TOP3B: variants seen among roughly 807,000 people sequenced by gnomAD.
TOP3B encodes DNA topoisomerase III beta.
TOP3B carries 45 observed loss-of-function variants against 93.9 expected under a neutral mutation model. The observed-to-expected ratio is 0.48, with a 90% confidence interval of 0.38 to 0.61. TOP3B has a LOEUF of 0.61. Among genes scored for constraint, TOP3B ranks in the 20% least tolerant of loss-of-function variants. The probability of loss-of-function intolerance (pLI) is 0.00; values close to 1 mark genes in which losing one functional copy is unlikely to be tolerated. For missense variants in TOP3B, 750 were observed against 1,156.1 expected, an observed-to-expected ratio of 0.65 and a Z score of 5.09; for synonymous variants, 357 against 472.6, an observed-to-expected ratio of 0.76 and a Z score of 3.17.
At chr22:21,967,213 C>G (rs2071447734) in intron 8 of TOP3B, 1 of 182,428 alleles carries the variant, frequency 5.5e-6, no homozygotes, top group South Asian at 1.4e-4. Flanking sequence ...CCCCTGCTAG[C>G]TGTGACCTTG....
chr22:21,969,388 G>A (rs747837918), intron 6 of TOP3B: 3 of 152,034 alleles, frequency 2.0e-5, no homozygotes, highest in Non-Finnish European at 4.4e-5. Flanking sequence ...ATCACCTGAG[G>A]TCAGGAGTTC....
In TOP3B at chr22:21,970,250, G is replaced by GA; in HGVS notation, c.540dup (p.Arg181SerfsTer18). The GA allele has an allele frequency of 6.2e-7, 1 of 1,613,580 alleles. No homozygotes were observed. Among genetic ancestry groups the GA allele is most frequent in the Non-Finnish European group, 8.5e-7 (1 of 1,180,020 alleles). On this transcript the variant is annotated frameshift_variant, in exon 6 of 18. Transcript: ENST00000357179. LOFTEE classifies it high-confidence loss of function. The surrounding 1 kb of genome is among the most constrained non-coding windows in gnomAD (Gnocchi z 4.4). ...CCGATTCGCAGGTCCAGCTCCTGGCGAGCATCCACTGAGAGCGCCTCGTTG... is the reference window on the plus strand; with the variant it reads ...CCGATTCGCAGGTCCAGCTCCTGGCGAAGCATCCACTGAGAGCGCCTCGTTG...
chr22:21,979,669 C>T lies in TOP3B; in HGVS notation c.-99+3061G>A, dbSNP rs533762456. 5.0e-4 allele frequency among the ~76,000 whole-genome samples: 76 copies of T among 152,168 alleles called. 1 individual carries two copies. The highest frequency in any genetic ancestry group is 1.0e-3 in the South Asian group (5 of 4,814). ...AAGCATGGCATTCTCTGGCCGGGCG[C>T]GGTGGCTCACGCCTGTAATCCCAGC... On this transcript the variant is annotated intron_variant, in intron 1 of 17. Transcript: ENST00000357179.
chr22:21,958,842 G>A (rs2071042122), intron 16 of TOP3B, 149 bp from the exon 17 acceptor site: 1 of 1,318,398 alleles, frequency 7.6e-7, no homozygotes, highest in African/African-American at 1.5e-5. Context: ...TCTGGCTCTT[G>A]CTCCACGCGT....
intron 13 of TOP3B, 198 bp from the exon 14 acceptor site, chr22:21,960,647 A>C (rs915877689): frequency 2.8e-6 from 2 of 703,448 alleles, no homozygotes; most frequent in Admixed American, 5.6e-5. Context: ...CTGCCTTGAG[A>C]ACACAAGGGC....
Position 21,958,575 on chromosome 22 carries a change from A to C in TOP3B, c.2024T>G (p.Leu675Arg), listed in dbSNP as rs2071028110. The change falls in exon 17 of 18, where the codon CTG becomes CGG. Residue 675 changes from leucine (L) to arginine (R), a missense_variant. Physicochemically the swap from Leu to Arg is moderately radical, Grantham distance 102 (BLOSUM62 -2). Transcript: ENST00000357179. Reference sequence around the variant, plus strand: ...CTTGCCCCGAGAGCCTGATGACCACAGGACCAGCTCGAAGTCATCCAGAGG... The same window carrying C: ...CTTGCCCCGAGAGCCTGATGACCACCGGACCAGCTCGAAGTCATCCAGAGG... The part of the protein sequence containing the change: ...RCPLDDFELV[L>R]WSSGSRGKSY... 1 of 1,614,134 alleles carries C rather than the reference A, an allele frequency of 6.2e-7. No homozygotes were observed. Among genetic ancestry groups the C allele is most frequent in the Non-Finnish European group, 8.5e-7 (1 of 1,180,042 alleles).
rs555085221 is a variant in TOP3B, at chr22:21,979,738, A to C, written c.-99+2992T>G. Among the ~76,000 whole-genome samples, 8 of 151,730 alleles carry C rather than the reference A, an allele frequency of 5.3e-5. No homozygotes were observed. In the East Asian group the frequency reaches 9.7e-4, roughly 18 times the overall value. On this transcript the variant is annotated intron_variant, in intron 1 of 17. Transcript: ENST00000357179. ...GGGCAGATCACGAGGTCAGGAGATC[A>C]AGACCATCCTGACTAACGTGGTGAA...
intron 15 of TOP3B, 40 bp from the exon 16 acceptor site, chr22:21,959,272 TC>T: frequency 6.2e-7 from 1 of 1,606,120 alleles, no homozygotes; most frequent in Non-Finnish European, 8.5e-7. Flanking sequence ...TCCCTCCCAG[TC>T]CCCAGCAAAA....
Position 21,975,765 on chromosome 22 carries a change from A to C in TOP3B, c.-56T>G. On this transcript the variant is annotated 5_prime_UTR_variant, in exon 2 of 18. Coordinates refer to ENST00000357179, the MANE Select transcript of TOP3B (RefSeq NM_001282112.2). ...GGGCACTGGCAATGAAAAAGTTTAG[A>C]CTCCACTCTTCCGCAGCACAGCACT... is the stretch of plus-strand genomic sequence containing the variant. The C allele has an allele frequency of 6.3e-7, 1 of 1,574,832 alleles. No homozygotes were observed. Among genetic ancestry groups the C allele is most frequent in the South Asian group, 1.1e-5 (1 of 88,516 alleles).
In TOP3B at chr22:21,964,160, C is replaced by T. The variant is rs1380448663; in HGVS notation, c.1098+1G>A. ...GCTGAGGCCGGCCCGGCTCCACTCACCGTGTCGGCCCAGTAGGGGTGGTTG... is the reference window on the plus strand; with the variant it reads ...GCTGAGGCCGGCCCGGCTCCACTCATCGTGTCGGCCCAGTAGGGGTGGTTG... On this transcript the variant is annotated splice_donor_variant, in intron 10 of 17. Transcript: ENST00000357179. LOFTEE classifies it high-confidence loss of function. 2 of 1,614,014 alleles carry T rather than the reference C, an allele frequency of 1.2e-6. No homozygotes were observed. Among genetic ancestry groups the T allele is most frequent in the Admixed American group, 1.7e-5 (1 of 60,014 alleles).
chr22:21,971,946 C>G lies in TOP3B; in HGVS notation c.315G>C (p.Glu105Asp). 1 of 1,612,578 alleles carries G rather than the reference C, an allele frequency of 6.2e-7. No individual in the cohort carries two copies. Among genetic ancestry groups the G allele is most frequent in the Non-Finnish European group, 8.5e-7 (1 of 1,179,630 alleles). The part of the protein sequence containing the change: ...KLNMVKFLQV[E>D]GRGCDYIVLW... Reference sequence around the variant, plus strand: ...GCACGATGTAGTCGCAGCCTCTGCCCTCCACCTGCCACACAGCACAGGTTC... The same window carrying G: ...GCACGATGTAGTCGCAGCCTCTGCCGTCCACCTGCCACACAGCACAGGTTC... The change falls in exon 5 of 18, where the codon GAG (glutamate) becomes GAC (aspartate). Residue 105 changes from glutamate to aspartate, a missense_variant. This residue lies in a region of TOP3B where 737 missense variants were observed against 933.7 expected (regional missense o/e 0.79). Coordinates refer to ENST00000357179, the MANE Select transcript of TOP3B (RefSeq NM_001282112.2). The surrounding 1 kb of genome is among the most constrained non-coding windows in gnomAD (Gnocchi z 4.6).
chr22:21,960,089 C>T, intron 14 of TOP3B: 1 of 688,072 alleles, frequency 1.5e-6, no homozygotes, highest in Non-Finnish European at 2.4e-6. Context: ...ACTTCGCCTC[C>T]CTTTTTGGTT....
At chr22:21,960,581 T>C in intron 13 of TOP3B, 132 bp from the exon 14 acceptor site, 3 of 1,297,172 alleles carry the variant, frequency 2.3e-6, no homozygotes, top group Middle Eastern at 2.5e-4. Context: ...GAGGGAGGGC[T>C]GTGCCCTGAG....
chr22:21,972,492 A>G, intron 4 of TOP3B, 120 bp downstream of exon 4: 1 of 726,584 alleles, frequency 1.4e-6, no homozygotes, highest in Non-Finnish European at 2.2e-6. Context: ...TCACAGAAAA[A>G]GCTAGCAAAG....
chr22:21,975,694 T>C lies in TOP3B; in HGVS notation c.16A>G (p.Met6Val). The C allele has an allele frequency of 1.2e-6, 2 of 1,611,828 alleles. No individual in the cohort carries two copies. The highest frequency in any genetic ancestry group is 1.7e-6 in the Non-Finnish European group (2 of 1,178,482). The change falls in exon 2 of 18, where the codon ATG (methionine) becomes GTG (valine). Residue 6 changes from methionine to valine, a missense_variant. By Grantham distance (21) the Met-to-Val change is conservative. Transcript: ENST00000357179. Reference sequence around the variant, plus strand: ...GCCAAGGACGGCTTTTCAGCAACCATGAGCACAGTCTTCATTTTGTCTCGG... The same window carrying C: ...GCCAAGGACGGCTTTTCAGCAACCACGAGCACAGTCTTCATTTTGTCTCGG... Reference protein sequence around the residue: MKTVLMVAEKPSLAQS... With the variant: MKTVLVVAEKPSLAQS...
At chr22:21,975,086 T>G (rs1193145266) in intron 2 of TOP3B, 1 of 152,694 alleles carries the variant, frequency 6.5e-6, no homozygotes, top group East Asian at 1.9e-4. Flanking sequence ...CTCTTCCTAT[T>G]TGGAGGGAAT....
At chr22:21,967,302 C>T (rs533229065) in intron 8 of TOP3B, 38 of 332,804 alleles carry the variant, frequency 1.1e-4, no homozygotes, top group African/African-American at 2.9e-4. Flanking sequence ...TCCTGCCACA[C>T]GGAGGTAATG....
chr22:21,979,242 G>A (rs1445587768), intron 1 of TOP3B, among the ~76,000 whole-genome samples: 2 of 152,018 alleles, frequency 1.3e-5, no homozygotes, highest in East Asian at 3.9e-4. Context: ...GGGTTGGGGA[G>A]GGTCCACAGA....
rs2071574264 is a variant in TOP3B, at chr22:21,970,128, C to A, written c.581+82G>T. 1 of 1,534,920 alleles carries A rather than the reference C, an allele frequency of 6.5e-7. No homozygotes were observed. The highest frequency in any genetic ancestry group is 2.3e-5 in the East Asian group (1 of 43,854). On this transcript the variant is annotated intron_variant, in intron 6 of 17. Coordinates refer to ENST00000357179, the MANE Select transcript of TOP3B (RefSeq NM_001282112.2). This position sits in a 1 kb window ranked among gnomAD's most constrained non-coding sequence, Gnocchi z 4.4. ...TCCTGGCTCGAGGAGGCCTAGGGGC[C>A]CCGGAGGGGGACCAGTAGAGGCAGG...
Sources: allele counts gnomAD v4.1 joint callset (sites outside exome capture counted in the v4.1 genomes callset), GRCh38; gene constraint gnomAD v4.1.1; regional missense constraint gnomAD v4.1.1; non-coding constraint Gnocchi (gnomAD v3.1); transcripts MANE v1.5; gene names NCBI Gene and HGNC (gene_info 2026-07-23, HGNC 2026-07-21).